Variants in NOXRED1 observed in about 807,000 individuals in gnomAD.
NOXRED1 encodes NADP-dependent oxidoreductase domain-containing protein 1.
Under a neutral mutation model 30.4 loss-of-function variants are expected in NOXRED1, and 20 were observed. The ratio of observed to expected loss-of-function variants is 0.66; its 90% CI spans 0.46 to 0.96. NOXRED1 has a LOEUF of 0.96. Among genes scored for constraint, NOXRED1 ranks in the 40% least tolerant of loss-of-function variants. NOXRED1 has a pLI of 0.00. For missense variants in NOXRED1, 374 were observed against 428.0 expected (o/e 0.87, Z 1.11); for synonymous variants, 155 against 168.0 (o/e 0.92, Z 0.60).
chr14:77,406,646 G>C (rs1490974056), intron 4 of NOXRED1, 78 bp downstream of exon 4: 1 of 1,237,830 alleles, frequency 8.1e-7, no homozygotes, highest in African/African-American at 1.5e-5. Context: ...GAGAGAGAGA[G>C]ATTGATTTAA....
At chr14:77,424,368 C>T (rs929881399), upstream of NOXRED1, among the ~76,000 whole-genome samples, 1 of 152,160 alleles carries the variant, frequency 6.6e-6, no homozygotes, top group African/African-American at 2.4e-5. Flanking sequence ...GAGGCTGAGG[C>T]AGGAGAATTG....
At chr14:77,419,839 T>G (rs1257783649) in intron 1 of NOXRED1, among the ~76,000 whole-genome samples, 1 of 152,106 alleles carries the variant, frequency 6.6e-6, no homozygotes, top group East Asian at 1.9e-4. Flanking sequence ...AAGCCACCAA[T>G]AGTCTTCTGG....
chr14:77,421,314 T>C (rs1894986856), intron 1 of NOXRED1, among the ~76,000 whole-genome samples: 1 of 152,214 alleles, frequency 6.6e-6, no homozygotes, highest in African/African-American at 2.4e-5. Context: ...TTTTGGACCA[T>C]ATATTGTTGT....
intron 5 of NOXRED1, among the ~76,000 whole-genome samples, chr14:77,405,170 G>A (rs554096318): frequency 3.3e-5 from 5 of 152,150 alleles, no homozygotes; most frequent in Admixed American, 6.6e-5. Context: ...CAAGGCGGGC[G>A]GATCACTTGA....
At chr14:77,413,525 C>T (rs537447897) in intron 2 of NOXRED1, among the ~76,000 whole-genome samples, 19 of 152,282 alleles carry the variant, frequency 1.2e-4, no homozygotes, top group African/African-American at 4.3e-4. Context: ...GCGTGAGCCA[C>T]CGCGCCCGAC....
Position 77,405,967 on chromosome 14 carries a change from A to G in NOXRED1, c.851T>C (p.Leu284Ser). Residue 284 changes from leucine to serine, a missense_variant, in exon 5 of 6, where the codon TTG (leucine) becomes TCG (serine). Leu to Ser is a moderately radical substitution (Grantham distance 145). Transcript: ENST00000380835. ...TTTGCTGACAAAATCTGTTAATTGC[A>G]ACTTTGGGCAAGATGCTGTGTCTTT... ...CGKDTASCPK[L>S]QLTDFVSKAY... 1 of 1,613,826 alleles carries G rather than the reference A, an allele frequency of 6.2e-7. No individual in the cohort carries two copies. The highest frequency in any genetic ancestry group is 1.3e-5 in the African/African-American group (1 of 75,044).
intron 5 of NOXRED1, among the ~76,000 whole-genome samples, chr14:77,403,887 G>A (rs993368782): frequency 3.9e-5 from 6 of 152,076 alleles, no homozygotes; most frequent in African/African-American, 1.4e-4. Flanking sequence ...GAAAGACAAT[G>A]AAGCAATGCC....
chr14:77,397,581 C>T (rs562492274), intron 5 of NOXRED1, among the ~76,000 whole-genome samples: 273 of 152,116 alleles, frequency 1.8e-3, no homozygotes, highest in African/African-American at 6.2e-3. Flanking sequence ...GTATTTATCT[C>T]AAAATAAAGA....
chr14:77,418,476 T>C (rs1049835134), intron 1 of NOXRED1, among the ~76,000 whole-genome samples: 4 of 151,170 alleles, frequency 2.6e-5, no homozygotes, highest in African/African-American at 9.7e-5. Flanking sequence ...TTATTGATAT[T>C]TATAATTTTA....
chr14:77,414,099 T>C lies in NOXRED1; in HGVS notation c.184A>G (p.Arg62Gly). ...RASLNKNQSS[R>G]HLSIGSLNSA... Reference sequence around the variant, plus strand: ...TTAAGGGAGCCAATTGAGAGATGTCTGGAACTTTGATTCTTATTTAATGAT... The same window carrying C: ...TTAAGGGAGCCAATTGAGAGATGTCCGGAACTTTGATTCTTATTTAATGAT... Residue 62 changes from arginine to glycine, a missense_variant, in exon 2 of 6, where the codon AGA (arginine) becomes GGA (glycine). Arg to Gly is a moderately radical substitution (Grantham distance 125). Transcript: ENST00000380835. The C allele has an allele frequency of 1.3e-6, 2 of 1,599,168 alleles. No homozygotes were observed. The highest frequency in any genetic ancestry group is 1.7e-6 in the Non-Finnish European group (2 of 1,168,556).
At chr14:77,411,891 A>G (rs1170063978) in intron 2 of NOXRED1, among the ~76,000 whole-genome samples, 1 of 152,196 alleles carries the variant, frequency 6.6e-6, no homozygotes, top group Non-Finnish European at 1.5e-5. Flanking sequence ...CAGGAGTACA[A>G]GACCAGCCTG....
At chr14:77,424,217 G>A (rs555510793), upstream of NOXRED1, among the ~76,000 whole-genome samples, 4 of 152,216 alleles carry the variant, frequency 2.6e-5, no homozygotes, top group Non-Finnish European at 4.4e-5. Flanking sequence ...TTGGGAGGCC[G>A]AGGCAGGCGG....
intron 2 of NOXRED1, among the ~76,000 whole-genome samples, chr14:77,411,956 G>A (rs1166137420): frequency 2.0e-5 from 3 of 152,074 alleles, no homozygotes; most frequent in East Asian, 1.9e-4. Context: ...TTAGCTGGGT[G>A]TGGTGGCGTA....
rs11846861 is a variant in NOXRED1, at chr14:77,423,203, C to T, written c.-314G>A. On this transcript the variant is annotated 5_prime_UTR_variant, in exon 1 of 6. Coordinates refer to ENST00000380835, the MANE Select transcript of NOXRED1 (RefSeq NM_001113475.3). Reference sequence around the variant, plus strand: ...CCACACAGGTTACAGGCACTGTTTTCGGCAGATGAATTTACAACAGCAATT... The same window carrying T: ...CCACACAGGTTACAGGCACTGTTTTTGGCAGATGAATTTACAACAGCAATT... 39,388 of 265,122 alleles carry T rather than the reference C, an allele frequency of 0.15. 3,758 individuals carry two copies. The highest frequency in any genetic ancestry group is 0.24 in the Admixed American group (5,002 of 20,492). The allele number at this position is 265,122 out of a possible 1,614,324, so 16.4% of individuals were successfully genotyped here. A position where few individuals can be genotyped will look rare whatever the true frequency, so the allele number is the denominator to read the frequency against.
intron 2 of NOXRED1, among the ~76,000 whole-genome samples, chr14:77,411,314 C>T (rs1051718490): frequency 6.6e-6 from 1 of 150,468 alleles, no homozygotes; most frequent in African/African-American, 2.4e-5. Flanking sequence ...ATTAAAAATA[C>T]AAAAAATTAG....
At chr14:77,402,974 G>T (rs176768) in intron 5 of NOXRED1, among the ~76,000 whole-genome samples, 1 of 151,710 alleles carries the variant, frequency 6.6e-6, no homozygotes, top group Non-Finnish European at 1.5e-5. Context: ...GGCAGAGATC[G>T]CAGTGAGCCG....
chr14:77,399,463 A>T (rs146430621), intron 5 of NOXRED1, among the ~76,000 whole-genome samples: 1 of 152,132 alleles, frequency 6.6e-6, no homozygotes, highest in Non-Finnish European at 1.5e-5. Context: ...AAATAAAATA[A>T]CTATGACTAA....
chr14:77,413,820 A>T, intron 2 of NOXRED1, 114 bp downstream of exon 2: 1 of 628,298 alleles, frequency 1.6e-6, no homozygotes, highest in African/African-American at 1.9e-5. Context: ...TAGCAAGCTG[A>T]GAACTCCACA....
Position 77,415,181 on chromosome 14 carries a change from A to AAC in NOXRED1, c.156-1056_156-1055dup, listed in dbSNP as rs57039967. On this transcript the variant is annotated intron_variant, in intron 1 of 5. Transcript: ENST00000380835. ...ACAGAGCAAGACCCTGTCTCAGGAA[A>AAC]ACACACACACACACACACACACACA... 3.0e-3 allele frequency among the ~76,000 whole-genome samples: 447 copies of AAC among 149,498 alleles called. 3 individuals are homozygous for AAC. Among genetic ancestry groups the AAC allele is most frequent in the African/African-American group, 9.5e-3 (385 of 40,420 alleles).
Sources: allele counts gnomAD v4.1 joint callset (sites outside exome capture counted in the v4.1 genomes callset), GRCh38; gene constraint gnomAD v4.1.1; transcripts MANE v1.5; gene names NCBI Gene and HGNC (gene_info 2026-07-23, HGNC 2026-07-21).